The following TEP1 variants were observed in gnomAD, a reference collection of about 807,000 sequenced individuals.
TEP1 encodes telomerase protein component 1.
TEP1 carries 241 observed loss-of-function variants against 306.3 expected under a neutral mutation model. The ratio of observed to expected loss-of-function variants is 0.79; its 90% CI spans 0.71 to 0.88. TEP1 has a LOEUF of 0.88. Ranked by LOEUF, TEP1 falls within the 40% of genes least tolerant of loss-of-function variation. The pLI is 0.00. For synonymous variants in TEP1, 1,289 were observed against 1,305.5 expected, an observed-to-expected ratio of 0.99 and a Z score of 0.27; for missense variants, 3,051 against 3,276.1, an observed-to-expected ratio of 0.93 and a Z score of 1.68.
In TEP1 at chr14:20,371,471, T is replaced by C. The variant is rs1047189882; in HGVS notation, c.7220+18A>G. On this transcript the variant is annotated intron_variant, in intron 50 of 54. Transcript: ENST00000262715. Reference sequence around the variant, plus strand: ...CCTTTTTCCCCAGCTCAGGAGGAAATGGCATTTTGGATCTTACCAGATTTC... The same window carrying C: ...CCTTTTTCCCCAGCTCAGGAGGAAACGGCATTTTGGATCTTACCAGATTTC... The C allele has an allele frequency of 1.2e-6, 2 of 1,609,506 alleles. No individual in the cohort carries two copies. The highest frequency in any genetic ancestry group is 2.7e-5 in the African/African-American group (2 of 74,448).
In TEP1 at chr14:20,372,751, G is replaced by T; in HGVS notation, c.7058C>A (p.Ser2353Ter). The stretch of plus-strand genomic sequence containing the variant: ...GTTTCACCTCAAATTTCCGGGTGCC[G>T]AACCCTTCCGCAGTTTCACTTGCCA... ...SEWQVKLRKG[S>*]APGNLSLHLN... The change falls in exon 49 of 55, where the codon TCG (serine) becomes TAG (stop). Residue 2353 changes from serine (S) to a stop codon, truncating the protein, a stop_gained. Transcript: ENST00000262715. LOFTEE classifies it high-confidence loss of function. The T allele has an allele frequency of 6.2e-7, 1 of 1,613,958 alleles. No homozygotes were observed. The highest frequency in any genetic ancestry group is 1.1e-5 in the South Asian group (1 of 91,048).
rs2139106156 is a variant in TEP1, at chr14:20,389,754, A to G, written c.2335-14T>C. ...GACCCTGTCCACCTGTAAGATGAAA[A>G]GGGAGAAGATGCTAGAGAAGGGATG... On this transcript the variant is annotated splice_polypyrimidine_tract_variant and intron_variant, in intron 15 of 54. Transcript: ENST00000262715. 6.2e-7 allele frequency: 1 copy of G among 1,613,692 alleles called. No homozygotes were observed. Among genetic ancestry groups the G allele is most frequent in the Non-Finnish European group, 8.5e-7 (1 of 1,179,734 alleles).
chr14:20,387,867 C>A (rs1018218518), intron 18 of TEP1, 38 bp downstream of exon 18: 2 of 1,555,070 alleles, frequency 1.3e-6, no homozygotes, highest in African/African-American at 2.8e-5. Context: ...TGACTGCAGC[C>A]CCTCCCAATT....
intron 26 of TEP1, 35 bp downstream of exon 26, chr14:20,383,453 C>T: frequency 6.2e-7 from 1 of 1,613,666 alleles, no homozygotes; most frequent in Middle Eastern, 1.7e-4. Context: ...TCTCCCCAGC[C>T]TGCCTCCCGA....
rs199500516 is a variant in TEP1 at position 20,378,193 on chromosome 14, T to C, written c.5552A>G (p.Asn1851Ser). 82 of 1,613,680 alleles carry C rather than the reference T, an allele frequency of 5.1e-5. No individual in the cohort carries two copies. The highest frequency in any genetic ancestry group is 1.6e-4 in the Middle Eastern group (1 of 6,062). The change falls in exon 39 of 55, where the codon AAT (asparagine) becomes AGT (serine). Residue 1851 changes from asparagine (N) to serine (S), a missense_variant. This residue lies in a region of TEP1 where 1,540 missense variants were observed against 1,705.9 expected (regional missense o/e 0.90). Transcript: ENST00000262715. Reference sequence around the variant, plus strand: ...CACAGCCACAACCCCCCCAGGCACATTGAAGGCCAAGGTACGGATAGAGGC... The same window carrying C: ...CACAGCCACAACCCCCCCAGGCACACTGAAGGCCAAGGTACGGATAGAGGC... ...PGASIRTLAF[N>S]VPGGVVAVGR... is the part of the protein sequence containing the mutation.
chr14:20,382,340 C>G lies in TEP1; in HGVS notation c.4157G>C (p.Arg1386Pro). Residue 1386 changes from arginine (R) to proline (P), a missense_variant, in exon 29 of 55, where the codon CGG becomes CCG. By Grantham distance (103) the Arg-to-Pro change is moderately radical (BLOSUM62 -2). Transcript: ENST00000262715. ...TLYEQVSERLRTLPATVPLLL... is the reference protein window; with the variant it reads ...TLYEQVSERLPTLPATVPLLL... ...CAGGGGGACAGTGGCAGGCAGGGTC[C>G]GGAGTCTCTCAGACACCTAGGATGG... 6.2e-7 allele frequency: 1 copy of G among 1,610,936 alleles called. No individual in the cohort carries two copies. The highest frequency in any genetic ancestry group is 8.5e-7 in the Non-Finnish European group (1 of 1,178,498).
rs1877000529 is a variant in TEP1 at position 20,384,995 on chromosome 14, T to C, written c.3097A>G (p.Ser1033Gly). Residue 1033 changes from serine (S) to glycine (G), a missense_variant, in exon 21 of 55, where the codon AGC becomes GGC. Coordinates refer to ENST00000262715, the MANE Select transcript of TEP1 (RefSeq NM_007110.5). The stretch of plus-strand genomic sequence containing the variant: ...GGCAACAGACAGTACCTGAGGAAGC[T>C]GGAATCCCGGAAGTAGATGAGAGCT... Reference protein sequence around the residue: ...AQALIYFRDSSFLSSVPDAWK... With the variant: ...AQALIYFRDSGFLSSVPDAWK... The C allele has an allele frequency of 6.2e-7, 1 of 1,614,082 alleles. No individual in the cohort carries two copies. The highest frequency in any genetic ancestry group is 8.5e-7 in the Non-Finnish European group (1 of 1,180,040).
chr14:20,396,836 T>C lies in TEP1; in HGVS notation c.1550-106A>G, dbSNP rs75786003. ...AAGGAGGCTGAGACAGAAGGATCACTTGAGCCCAGAACCCAGGAATTAGAG... is the reference window on the plus strand; with the variant it reads ...AAGGAGGCTGAGACAGAAGGATCACCTGAGCCCAGAACCCAGGAATTAGAG... On this transcript the variant is annotated intron_variant, in intron 9 of 54. Transcript: ENST00000262715. 0.049 allele frequency: 35,227 copies of C among 722,390 alleles called. 995 individuals are homozygous for C. The highest frequency in any genetic ancestry group is 0.077 in the South Asian group (3,533 of 45,612). The allele number at this position is 722,390 out of a possible 1,614,324, so 44.7% of individuals were successfully genotyped here.
In TEP1 at chr14:20,380,040, G is replaced by T. The variant is rs1437232757; in HGVS notation, c.5017C>A (p.Leu1673Met). The change falls in exon 35 of 55, where the codon CTG becomes ATG. Residue 1673 changes from leucine to methionine, a missense_variant. Transcript: ENST00000262715. ...GCAGTAGGGGATGAGGAAACTGCCA[G>T]AGACAGGCTGGAGCTAGAGAAAGAG... Reference protein sequence around the residue: ...MKNQQSSSLSLAVSSSPTAVA... With the variant: ...MKNQQSSSLSMAVSSSPTAVA... The T allele has an allele frequency of 6.2e-7, 1 of 1,612,180 alleles. No homozygotes were observed. The highest frequency in any genetic ancestry group is 1.3e-5 in the African/African-American group (1 of 74,804).
chr14:20,408,156 T>G lies in TEP1; in HGVS notation c.284A>C (p.His95Pro). Residue 95 changes from histidine (H) to proline (P), a missense_variant, in exon 2 of 55, where the codon CAT becomes CCT. Transcript: ENST00000262715. ...LSDLKTMEKP[H>P]GHVSAHPDIL... Reference sequence around the variant, plus strand: ...GTCTGGGTGGGCAGAAACATGTCCATGTGGTTTCTCCATGGTCTTCAGGTC... The same window carrying G: ...GTCTGGGTGGGCAGAAACATGTCCAGGTGGTTTCTCCATGGTCTTCAGGTC... 6.2e-7 allele frequency: 1 copy of G among 1,610,682 alleles called. No individual in the cohort carries two copies. Among genetic ancestry groups the G allele is most frequent in the Non-Finnish European group, 8.5e-7 (1 of 1,178,264 alleles).
rs1445860186 is a variant in TEP1 at position 20,404,777 on chromosome 14, G to C, written c.871-5C>G. 1 of 1,602,038 alleles carries C rather than the reference G, an allele frequency of 6.2e-7. No homozygotes were observed. The highest frequency in any genetic ancestry group is 8.5e-7 in the Non-Finnish European group (1 of 1,173,520). On this transcript the variant is annotated splice_region_variant and splice_polypyrimidine_tract_variant and intron_variant, in intron 4 of 54. Transcript: ENST00000262715. ...CTGCCTGGCATACAAAGATGCCTAG[G>C]ACACAGGGTGAGAGGACTAGAATCT...
rs776974237 is a variant in TEP1, at chr14:20,401,610, G to A, written c.1267-29C>T. On this transcript the variant is annotated intron_variant, in intron 7 of 54. Coordinates refer to ENST00000262715, the MANE Select transcript of TEP1 (RefSeq NM_007110.5). ...TGGAAACATCCCCAAGTCCCACAGG[G>A]GTCCTTTCATCCATGACCATGGGAA... 50 of 1,612,386 alleles carry A rather than the reference G, an allele frequency of 3.1e-5. 1 individual carries two copies. The East Asian group carries it at 1.1e-3, about 36-fold the overall frequency.
chr14:20,409,983 T>C (rs1209666291), intron 1 of TEP1, among the ~76,000 whole-genome samples: 2 of 124,286 alleles, frequency 1.6e-5, no homozygotes, highest in Non-Finnish European at 1.6e-5. Flanking sequence ...GATTGGCCAC[T>C]GCACTCCAGC....
Position 20,408,374 on chromosome 14 carries a change from C to T in TEP1, c.66G>A (p.Leu22=), listed in dbSNP as rs1879380741. Residue 22 remains leucine, a synonymous_variant, in exon 2 of 55, where the codon CTG becomes CTA. Coordinates refer to ENST00000262715, the MANE Select transcript of TEP1 (RefSeq NM_007110.5). ...AGGGCTGTAAGTCAGGGAGCATAGCCAGGCACCGGTTCTCCAAGGAGAGGA... is the reference window on the plus strand; with the variant it reads ...AGGGCTGTAAGTCAGGGAGCATAGCTAGGCACCGGTTCTCCAAGGAGAGGA... ...PDILSLENRC[L]AMLPDLQPLE... is the part of the protein sequence containing the mutation. 1 of 1,613,966 alleles carries T rather than the reference C, an allele frequency of 6.2e-7. No homozygotes were observed. Among genetic ancestry groups the T allele is most frequent in the South Asian group, 1.1e-5 (1 of 91,074 alleles).
chr14:20,371,619 G>A lies in TEP1; in HGVS notation c.7090C>T (p.Arg2364Ter), dbSNP rs199992841. ...ACCCCTAAGTCCTCCTGTAGAATTCGGTTCAGGTGAAGACTAGCTCAAAAA... is the reference window on the plus strand; with the variant it reads ...ACCCCTAAGTCCTCCTGTAGAATTCAGTTCAGGTGAAGACTAGCTCAAAAA... ...APGNLSLHLN[R>*]ILQEDLGVLT... Residue 2364 changes from arginine (R) to a stop codon, truncating the protein, a stop_gained, in exon 50 of 55, where the codon CGA becomes TGA. Transcript: ENST00000262715. LOFTEE classifies it high-confidence loss of function. The A allele has an allele frequency of 8.7e-5, 137 of 1,577,422 alleles. 1 individual carries two copies. The East Asian group carries it at 2.7e-3, about 31-fold the overall frequency.
chr14:20,376,343 G>A (rs757152844), intron 41 of TEP1, 79 bp from the exon 42 acceptor site: 21 of 1,453,208 alleles, frequency 1.4e-5, no homozygotes, highest in Non-Finnish European at 1.9e-5. Context: ...AGACAGGAGC[G>A]GCCATGGGGG....
chr14:20,391,974 A>C (rs1379867978), intron 12 of TEP1, among the ~76,000 whole-genome samples: 1 of 152,156 alleles, frequency 6.6e-6, no homozygotes, highest in Non-Finnish European at 1.5e-5. Context: ...CTTCTAATCC[A>C]CACTCATGGT....
In TEP1 at chr14:20,367,622, T is replaced by TA. The variant is rs1884550457; in HGVS notation, c.*814_*815insT. On this transcript the variant is annotated 3_prime_UTR_variant, in exon 55 of 55. Coordinates refer to ENST00000262715, the MANE Select transcript of TEP1 (RefSeq NM_007110.5). The stretch of plus-strand genomic sequence containing the variant: ...CCTCTCATCTGGGTAGTTCTTTTTT[T>TA]TTTTTTTTAGACAGAGTCTCGCTCT... 1 of 152,566 alleles carries TA rather than the reference T, an allele frequency of 6.6e-6. No individual in the cohort carries two copies. Among genetic ancestry groups the TA allele is most frequent in the African/African-American group, 2.4e-5 (1 of 41,360 alleles). 9.5% of individuals were successfully genotyped at this position (152,566 alleles called of 1,614,324 possible). A position where few individuals can be genotyped will look rare whatever the true frequency, so the allele number is the denominator to read the frequency against.
chr14:20,368,910 A>G lies in TEP1; in HGVS notation c.7657-8T>C, dbSNP rs751290580. On this transcript the variant is annotated splice_region_variant and splice_polypyrimidine_tract_variant and intron_variant, in intron 53 of 54. Transcript: ENST00000262715. Reference sequence around the variant, plus strand: ...GACAGAGCCCGAGTGAATCTCAAAGAGGAAAGGGGAGAGCAGAATGGTGAG... The same window carrying G: ...GACAGAGCCCGAGTGAATCTCAAAGGGGAAAGGGGAGAGCAGAATGGTGAG... 4 of 1,608,880 alleles carry G rather than the reference A, an allele frequency of 2.5e-6. No homozygotes were observed. In the South Asian group the frequency reaches 4.4e-5, roughly 18 times the overall value.
Sources: allele counts gnomAD v4.1 joint callset (sites outside exome capture counted in the v4.1 genomes callset), GRCh38; gene constraint gnomAD v4.1.1; regional missense constraint gnomAD v4.1.1; transcripts MANE v1.5; gene names NCBI Gene and HGNC (gene_info 2026-07-23, HGNC 2026-07-21).